SMARCA2: variants seen among roughly 807,000 people sequenced by gnomAD.
SMARCA2 encodes SWI/SNF-related matrix-associated actin-dependent regulator of chromatin subfamily A member 2.
Under a neutral mutation model 199.8 loss-of-function variants are expected in SMARCA2, and 61 were observed. The observed-to-expected ratio is 0.31, with a 90% CI of 0.25 to 0.38. SMARCA2 has a LOEUF of 0.38. Ranked by LOEUF, SMARCA2 falls within the 10% of genes least tolerant of loss-of-function variation. The pLI is 1.00. For missense variants in SMARCA2, 1,344 were observed against 2,012.2 expected, an observed-to-expected ratio of 0.67 and a Z score of 6.35; for synonymous variants, 935 against 732.0, an observed-to-expected ratio of 1.28 and a Z score of -4.48.
At chr9:2,065,936 C>G (rs1354096863) in intron 9 of SMARCA2, among the ~76,000 whole-genome samples, 1 of 152,154 alleles carries the variant, frequency 6.6e-6, no homozygotes, top group East Asian at 1.9e-4. Context: ...CTGGATTGAC[C>G]AGTTACTTGA....
In SMARCA2 at chr9:2,191,594, C is replaced by A. The variant is rs1002367875; in HGVS notation, c.4737+186C>A. The A allele has an allele frequency of 2.2e-5, 12 of 542,508 alleles. No homozygotes were observed. The African/African-American group carries it at 2.3e-4, about 10-fold the overall frequency. The allele number at this position is 542,508 out of a possible 1,614,324, so 33.6% of individuals were successfully genotyped here. On this transcript the variant is annotated intron_variant, in intron 33 of 33. Transcript: ENST00000349721. ...ATGATTTAGAACAAAGGATTGGGGG[C>A]TTTGTTTATTGCCTTTTTAATAGTC...
intron 33 of SMARCA2, 42 bp downstream of exon 33, chr9:2,191,450 C>T (rs1266002690): frequency 1.2e-6 from 2 of 1,606,840 alleles, no homozygotes; most frequent in Admixed American, 1.7e-5. Context: ...GACGCCCTCT[C>T]CCCTGCTTGC....
intron 10 of SMARCA2, among the ~76,000 whole-genome samples, chr9:2,072,253 C>G (rs1206312369): frequency 1.3e-5 from 2 of 152,140 alleles, no homozygotes; most frequent in Non-Finnish European, 2.9e-5. Flanking sequence ...AAATAGATAA[C>G]TTGAACCACT....
intron 22 of SMARCA2, among the ~76,000 whole-genome samples, chr9:2,103,101 A>G (rs972612004): frequency 3.3e-5 from 5 of 151,354 alleles, no homozygotes; most frequent in African/African-American, 1.2e-4. Flanking sequence ...CTTTTTACTC[A>G]TTATTTCAGG....
chr9:2,115,997 A>G lies in SMARCA2; in HGVS notation c.3632A>G (p.His1211Arg). 6.2e-7 allele frequency: 1 copy of G among 1,614,180 alleles called. No individual in the cohort carries two copies. Among genetic ancestry groups the G allele is most frequent in the Non-Finnish European group, 8.5e-7 (1 of 1,180,022 alleles). Residue 1211 changes from histidine to arginine, a missense_variant, in exon 25 of 34, where the codon CAC becomes CGC. Coordinates refer to ENST00000349721, the MANE Select transcript of SMARCA2 (RefSeq NM_003070.5). The surrounding 1 kb of genome is among the most constrained non-coding windows in gnomAD (Gnocchi z 6.0). ...ATGTTTGACCAAAAGTCTTCAAGCC[A>G]CGAGCGGAGGGCATTCCTGCAGGCC... is the stretch of plus-strand genomic sequence containing the variant. The part of the protein sequence containing the change: ...AGMFDQKSSS[H>R]ERRAFLQAIL...
rs1311093174 is a variant in SMARCA2 at position 2,052,578 on chromosome 9, A to G, written c.1047-2019A>G. On this transcript the variant is annotated intron_variant, in intron 5 of 33. Transcript: ENST00000349721. ...ATAAATTAGAACGAATAACGTGCGT[A>G]TAGCAAATAAAACAAGAATCAGTCT... 2.0e-5 allele frequency among the ~76,000 whole-genome samples: 3 copies of G among 152,164 alleles called. No individual in the cohort carries two copies. In the East Asian group the frequency reaches 5.8e-4, roughly 30 times the overall value.
At position 2,186,228 on chromosome 9, in the gene SMARCA2, G is replaced by C; in HGVS notation, c.4594G>C (p.Ala1532Pro). The C allele has an allele frequency of 1.2e-6, 2 of 1,613,264 alleles. No homozygotes were observed. Among genetic ancestry groups the C allele is most frequent in the Non-Finnish European group, 1.7e-6 (2 of 1,179,500 alleles). The change falls in exon 32 of 34, where the codon GCA (alanine) becomes CCA (proline). Residue 1532 changes from alanine to proline, a missense_variant and splice_region_variant. This residue lies in a region of SMARCA2 where 155 missense variants were observed against 121.1 expected (regional missense o/e 1.28). Transcript: ENST00000349721. Reference protein sequence around the residue: ...EEDEEESESEAKSVKVKIKLN... With the variant: ...EEDEEESESEPKSVKVKIKLN... ...AGATGAAGAAGAGTCAGAGTCCGAG[G>C]GTAAGCCCAGACATTCGGGTCCTGT...
intron 9 of SMARCA2, among the ~76,000 whole-genome samples, chr9:2,065,482 A>G (rs184818032): frequency 3.9e-5 from 6 of 152,236 alleles, no homozygotes; most frequent in Admixed American, 2.0e-4. Flanking sequence ...AACCGCTATT[A>G]TAAGTAAATC....
At chr9:2,042,825 GA>G (rs1819670700) in intron 4 of SMARCA2, 2 of 152,142 alleles carry the variant, frequency 1.3e-5, no homozygotes, top group South Asian at 4.1e-4. Flanking sequence ...TTTTATGGAA[GA>G]GTGGAAAGGA....
intron 9 of SMARCA2, among the ~76,000 whole-genome samples, chr9:2,062,025 T>C (rs187142269): frequency 6.6e-6 from 1 of 152,182 alleles, no homozygotes; most frequent in East Asian, 1.9e-4. Context: ...TGTAGCATTA[T>C]AGACTGTGCA....
At chr9:2,071,604 AAC>A (rs1183091400) in intron 10 of SMARCA2, among the ~76,000 whole-genome samples, 1 of 152,142 alleles carries the variant, frequency 6.6e-6, no homozygotes, top group Non-Finnish European at 1.5e-5. Flanking sequence ...TTTTAATCTT[AAC>A]ACACGTGTCC....
chr9:2,173,017 A>G (rs756155365), intron 29 of SMARCA2, among the ~76,000 whole-genome samples: 3 of 152,168 alleles, frequency 2.0e-5, no homozygotes, highest in Non-Finnish European at 4.4e-5. Context: ...AAGGGAATAA[A>G]TATTCAGAGG....
At chr9:2,157,770 C>T in intron 27 of SMARCA2, 1 of 396,392 alleles carries the variant, frequency 2.5e-6, no homozygotes, top group South Asian at 1.3e-4. Context: ...AATCATGGAT[C>T]CCCTCTGCTT....
intron 9 of SMARCA2, among the ~76,000 whole-genome samples, chr9:2,063,092 T>C (rs752340984): frequency 6.6e-6 from 1 of 152,166 alleles, no homozygotes; most frequent in Non-Finnish European, 1.5e-5. Context: ...TTGCATGCTC[T>C]TGGGTGCCTA....
chr9:2,094,974 C>CA lies in SMARCA2; in HGVS notation c.2884-1679dup, dbSNP rs199686977. 2.2e-4 allele frequency among the ~76,000 whole-genome samples: 33 copies of CA among 152,146 alleles called. No homozygotes were observed. In the East Asian group the frequency reaches 6.2e-3, roughly 28 times the overall value. On this transcript the variant is annotated intron_variant, in intron 19 of 33. Coordinates refer to ENST00000349721, the MANE Select transcript of SMARCA2 (RefSeq NM_003070.5). ...ATCATTTCACAATGTTTATGTATAT[C>CA]AAAATCTCACAGACGTACCTTAAAT...
At chr9:2,038,546 C>T (rs1586633887) in intron 3 of SMARCA2, among the ~76,000 whole-genome samples, 1 of 152,140 alleles carries the variant, frequency 6.6e-6, no homozygotes, top group Non-Finnish European at 1.5e-5. Flanking sequence ...AGTATAAGTA[C>T]CCCAGCTTCT....
chr9:2,178,641 CT>C (rs1474631496), intron 29 of SMARCA2, among the ~76,000 whole-genome samples: 1 of 152,138 alleles, frequency 6.6e-6, no homozygotes, highest in African/African-American at 2.4e-5. Context: ...AAAAAAAGCC[CT>C]CGCTCAGCTC....
At chr9:2,077,845 G>A (rs146689590) in intron 14 of SMARCA2, 69 bp downstream of exon 14, 38 of 1,422,840 alleles carry the variant, frequency 2.7e-5, no homozygotes, top group African/African-American at 1.3e-4. Flanking sequence ...GAAGTATGTC[G>A]TGCACATGTT....
At position 2,170,917 on chromosome 9, in the gene SMARCA2, T is replaced by C. The variant is rs1826217091; in HGVS notation, c.4253+445T>C. On this transcript the variant is annotated intron_variant, in intron 29 of 33. Coordinates refer to ENST00000349721, the MANE Select transcript of SMARCA2 (RefSeq NM_003070.5). The surrounding 1 kb of genome is among the most constrained non-coding windows in gnomAD (Gnocchi z 4.7). ...CATGAAGAAGCGTGCATGTTCACGCTGTGTCTGCATTCCAGAGTTGATCAT... is the reference window on the plus strand; with the variant it reads ...CATGAAGAAGCGTGCATGTTCACGCCGTGTCTGCATTCCAGAGTTGATCAT... 6.6e-6 allele frequency among the ~76,000 whole-genome samples: 1 copy of C among 152,226 alleles called. No individual in the cohort carries two copies.
Sources: gnomAD v4.1 joint callset for allele counts (sites outside exome capture counted in the v4.1 genomes callset) on GRCh38, gnomAD v4.1.1 for gene constraint, gnomAD v4.1.1 regional missense constraint, Gnocchi (gnomAD v3.1) non-coding constraint, MANE v1.5 for transcripts, NCBI Gene and HGNC (gene_info 2026-07-23, HGNC 2026-07-21) for gene names.